Variants in ASCC1 observed in about 807,000 individuals in gnomAD.
ASCC1 encodes the protein activating signal cointegrator 1 complex subunit 1.
A neutral mutation model predicts 46.6 loss-of-function variants in ASCC1; 35 were observed. The observed-to-expected ratio is 0.75, with a 90% CI of 0.57 to 0.99. ASCC1 has a LOEUF of 0.99. Ranked by LOEUF, ASCC1 falls within the 50% of genes least tolerant of loss-of-function variation. ASCC1 has a pLI of 0.00. For synonymous variants in ASCC1, 143 were observed against 146.6 expected (o/e 0.98, Z 0.18); for missense variants, 376 against 428.7 (o/e 0.88, Z 1.09).
At chr10:72,108,402 T>G (rs1001686123) in intron 9 of ASCC1, among the ~76,000 whole-genome samples, 1 of 152,164 alleles carries the variant, frequency 6.6e-6, no homozygotes, top group Admixed American at 6.5e-5. Flanking sequence ...GGAAAGGAAG[T>G]GAAAACAAGC....
intron 7 of ASCC1, among the ~76,000 whole-genome samples, chr10:72,149,120 T>C (rs956871509): frequency 3.3e-5 from 5 of 151,364 alleles, no homozygotes; most frequent in African/African-American, 1.2e-4. Context: ...GGTTGGAAAA[T>C]AGTGTTACTT....
chr10:72,160,159 C>T (rs1050708363), intron 6 of ASCC1, among the ~76,000 whole-genome samples: 29 of 152,082 alleles, frequency 1.9e-4, no homozygotes, highest in Non-Finnish European at 2.4e-4. Context: ...CCGCCTCGGC[C>T]TCCCAAAGTG....
At chr10:72,191,486 GA>G (rs1050499627) in intron 5 of ASCC1, among the ~76,000 whole-genome samples, 7 of 148,178 alleles carry the variant, frequency 4.7e-5, no homozygotes, top group South Asian at 2.1e-4. Context: ...TTCTTTAAAA[GA>G]AAAAAAAAGT....
At chr10:72,203,689 A>G (rs559139499) in intron 3 of ASCC1, among the ~76,000 whole-genome samples, 165 bp from the exon 4 acceptor site, 2 of 152,380 alleles carry the variant, frequency 1.3e-5, no homozygotes, top group East Asian at 3.9e-4. Context: ...GCTTTAGAAC[A>G]TGCTGCAGTA....
chr10:72,171,071 G>A (rs568491888), intron 5 of ASCC1, among the ~76,000 whole-genome samples: 7 of 152,248 alleles, frequency 4.6e-5, no homozygotes, highest in South Asian at 2.1e-4. Flanking sequence ...AATGGAATAC[G>A]AAAACAAATA....
At chr10:72,213,034 T>C (rs986010165) in intron 2 of ASCC1, among the ~76,000 whole-genome samples, 153 bp downstream of exon 2, 1 of 152,170 alleles carries the variant, frequency 6.6e-6, no homozygotes, top group African/African-American at 2.4e-5. Context: ...AACTCATCAG[T>C]ACCCTTAGAC....
In ASCC1 at chr10:72,167,025, TG is replaced by T. The variant is rs1850434356; in HGVS notation, c.490-5352del. ...AGCACGGCCACTTTGGAAAACAGTTTGGCAGTTACTCAAAAAATTAAACATA... is the reference window on the plus strand; with the variant it reads ...AGCACGGCCACTTTGGAAAACAGTTTGCAGTTACTCAAAAAATTAAACATA... On this transcript the variant is annotated intron_variant, in intron 5 of 9. Transcript: ENST00000672957. Among the ~76,000 whole-genome samples, 3 of 152,270 alleles carry T rather than the reference TG, an allele frequency of 2.0e-5. No homozygotes were observed. In the South Asian group the frequency reaches 6.2e-4, roughly 32 times the overall value.
At chr10:72,208,131 T>C (rs1367222309) in intron 3 of ASCC1, among the ~76,000 whole-genome samples, 1 of 151,962 alleles carries the variant, frequency 6.6e-6, no homozygotes, top group South Asian at 2.1e-4. Context: ...CACCCAGCCT[T>C]CCGAGTAAAT....
At chr10:72,121,635 G>C (rs1430415770) in intron 9 of ASCC1, among the ~76,000 whole-genome samples, 1 of 152,098 alleles carries the variant, frequency 6.6e-6, no homozygotes. Flanking sequence ...TCAGAGCAAG[G>C]AAAGTTATTA....
chr10:72,159,966 G>A (rs940645495), intron 6 of ASCC1, among the ~76,000 whole-genome samples: 27 of 149,112 alleles, frequency 1.8e-4, no homozygotes, highest in Admixed American at 1.1e-3. Context: ...GTGCAGTGGC[G>A]CAATCTCGGC....
chr10:72,155,087 TA>T, intron 6 of ASCC1, among the ~76,000 whole-genome samples: 1 of 152,064 alleles, frequency 6.6e-6, no homozygotes, highest in South Asian at 2.1e-4. Context: ...GATGGAGGTA[TA>T]AAAAATATGT....
intron 6 of ASCC1, among the ~76,000 whole-genome samples, chr10:72,160,293 G>C (rs952052315): frequency 6.6e-6 from 1 of 151,998 alleles, no homozygotes; most frequent in African/African-American, 2.4e-5. Context: ...ATTTCTATAA[G>C]GCCATGTTAG....
chr10:72,154,175 A>G (rs1394459380), intron 6 of ASCC1, among the ~76,000 whole-genome samples: 1 of 152,344 alleles, frequency 6.6e-6, no homozygotes, highest in South Asian at 2.1e-4. Context: ...TTGATAAAGC[A>G]AAGTTCTCCT....
chr10:72,213,107 C>T (rs539555658), intron 2 of ASCC1, 80 bp downstream of exon 2: 1 of 978,250 alleles, frequency 1.0e-6, no homozygotes, highest in South Asian at 1.3e-5. Context: ...CACAGAAACA[C>T]ATTAAAACAA....
rs867416619 is a variant in ASCC1 at position 72,172,923 on chromosome 10, A to G, written c.490-11249T>C. Among the ~76,000 whole-genome samples, 205 of 135,578 alleles carry G rather than the reference A, an allele frequency of 1.5e-3. 1 individual carries two copies. In the Middle Eastern group the frequency reaches 0.022, roughly 15 times the overall value. The allele number at this position is 135,578 out of a possible 152,430, so 88.9% of individuals were successfully genotyped here. ...ATTATATATTATATTTTTATATTAT[A>G]TATTATATATTTTATATTATATATT... On this transcript the variant is annotated intron_variant, in intron 5 of 9. Transcript: ENST00000672957.
At chr10:72,179,768 A>C (rs1177142569) in intron 5 of ASCC1, among the ~76,000 whole-genome samples, 1 of 152,194 alleles carries the variant, frequency 6.6e-6, no homozygotes, top group Non-Finnish European at 1.5e-5. Context: ...CATATTTGCT[A>C]TTTTATACAT....
chr10:72,132,958 C>G, intron 8 of ASCC1, 99 bp downstream of exon 8: 1 of 1,495,320 alleles, frequency 6.7e-7, no homozygotes, highest in East Asian at 2.3e-5. Flanking sequence ...AAAAAAGAAG[C>G]TATATCAGAG....
chr10:72,108,148 C>T (rs1036182184), intron 9 of ASCC1, among the ~76,000 whole-genome samples: 1 of 150,576 alleles, frequency 6.6e-6, no homozygotes, highest in Non-Finnish European at 1.5e-5. Context: ...GTGATCACAG[C>T]TCACTGCAGC....
chr10:72,133,597 C>T (rs564498767), intron 7 of ASCC1: 31 of 279,330 alleles, frequency 1.1e-4, no homozygotes, highest in Non-Finnish European at 2.0e-4. Flanking sequence ...ATTCAAAAAA[C>T]TGTCAATTAT....
Sources: allele counts gnomAD v4.1 joint callset (sites outside exome capture counted in the v4.1 genomes callset), GRCh38; gene constraint gnomAD v4.1.1; transcripts MANE v1.5; gene names NCBI Gene and HGNC (gene_info 2026-07-23, HGNC 2026-07-21).